RAB11FIP1: variants seen among roughly 807,000 people sequenced by gnomAD.
RAB11FIP1 encodes rab11 family-interacting protein 1.
In RAB11FIP1, 49 loss-of-function variants were observed where a neutral mutation model predicts 83.1. That is an observed-to-expected ratio of 0.59 (90% CI 0.47 to 0.75). The LOEUF is 0.75. Ranked by LOEUF, RAB11FIP1 falls within the 30% of genes least tolerant of loss-of-function variation. The pLI is 0.00. For missense variants in RAB11FIP1, 1,536 were observed against 1,598.7 expected (o/e 0.96, Z 0.67); for synonymous variants, 670 against 656.0 (o/e 1.02, Z -0.33).
At chr8:37,881,356 G>A (rs1449380097) in intron 1 of RAB11FIP1, among the ~76,000 whole-genome samples, 1 of 152,004 alleles carries the variant, frequency 6.6e-6, no homozygotes, top group Non-Finnish European at 1.5e-5. Flanking sequence ...ATTTATCTTG[G>A]ATGGGCCATC....
chr8:37,877,752 C>T (rs1806648488), intron 1 of RAB11FIP1: 4 of 450,592 alleles, frequency 8.9e-6, no homozygotes, highest in Non-Finnish European at 1.5e-5. Flanking sequence ...CAGAGTCTTG[C>T]TCTGTCACCC....
At position 37,877,547 on chromosome 8, in the gene RAB11FIP1, A is replaced by G; in HGVS notation, c.376T>C (p.Tyr126His). ...TTTCCTGGTTTGGATTTCAACTTAT[A>G]CCACCTGAAAGGAGAAAGGCTGAGG... ...RDQGRRKTQW[Y>H]KLKSKPGKKD... Residue 126 changes from tyrosine (Y) to histidine (H), a missense_variant, in exon 2 of 6, where the codon TAT becomes CAT. Coordinates refer to ENST00000330843, the MANE Select transcript of RAB11FIP1 (RefSeq NM_001002814.3). 3.1e-6 allele frequency: 5 copies of G among 1,599,190 alleles called. No individual in the cohort carries two copies. The highest frequency in any genetic ancestry group is 4.3e-6 in the Non-Finnish European group (5 of 1,176,158).
At chr8:37,887,079 A>G (rs1158520815) in intron 1 of RAB11FIP1, among the ~76,000 whole-genome samples, 1 of 152,218 alleles carries the variant, frequency 6.6e-6, no homozygotes, top group Non-Finnish European at 1.5e-5. Context: ...TTGCCTCCCT[A>G]GACCTTGCCC....
rs779772060 is a variant in RAB11FIP1, at chr8:37,870,381, C to T, written c.3633+39G>A. The T allele has an allele frequency of 4.1e-6, 5 of 1,218,514 alleles. No homozygotes were observed. The South Asian group carries it at 6.1e-5, about 15-fold the overall frequency. 75.5% of individuals were successfully genotyped at this position (1,218,514 alleles called of 1,614,324 possible). A position where few individuals can be genotyped will look rare whatever the true frequency, so the allele number is the denominator to read the frequency against. ...GTGACTATGGAAACGGGTGTTCTGTCAATCCCTAACGAACACACCAGCTTC... is the reference window on the plus strand; with the variant it reads ...GTGACTATGGAAACGGGTGTTCTGTTAATCCCTAACGAACACACCAGCTTC... On this transcript the variant is annotated intron_variant, in intron 5 of 5. Transcript: ENST00000330843.
Position 37,874,489 on chromosome 8 carries a change from CCTGCACGAGAAGAGCCA to C in RAB11FIP1, c.1622+9_1622+25del, listed in dbSNP as rs1172348017. Reference sequence around the variant, plus strand: ...ACCACCAATGGCAAGGCAGAAATGCCCTGCACGAGAAGAGCCAAAACTCACCGGGGCTTGACAGCTCT... The same window carrying C: ...ACCACCAATGGCAAGGCAGAAATGCCAAACTCACCGGGGCTTGACAGCTCT... On this transcript the variant is annotated intron_variant, in intron 3 of 5. Transcript: ENST00000330843. 1 of 1,596,436 alleles carries C rather than the reference CCTGCACGAGAAGAGCCA, an allele frequency of 6.3e-7. No homozygotes were observed. The highest frequency in any genetic ancestry group is 8.6e-7 in the Non-Finnish European group (1 of 1,165,988).
chr8:37,877,563 A>T lies in RAB11FIP1; in HGVS notation c.372-12T>A, dbSNP rs1184777628. 6.4e-7 allele frequency: 1 copy of T among 1,571,180 alleles called. No individual in the cohort carries two copies. The highest frequency in any genetic ancestry group is 8.7e-7 in the Non-Finnish European group (1 of 1,156,046). ...TCAACTTATACCACCTGAAAGGAGA[A>T]AGGCTGAGGAGTTACCTTTGAATGG... On this transcript the variant is annotated splice_polypyrimidine_tract_variant and intron_variant, in intron 1 of 5. Transcript: ENST00000330843.
At position 37,874,735 on chromosome 8, in the gene RAB11FIP1, T is replaced by G. The variant is rs760252153; in HGVS notation, c.1402A>C (p.Met468Leu). ...GCGTCCTCCCCCGGCTTAACCCCCA[T>G]CAGCATGCCTTCCTTCTCCCTCCCT... ...VPGREKEGML[M>L]GVKPGEDASG... Residue 468 changes from methionine to leucine, a missense_variant, in exon 3 of 6, where the codon ATG (methionine) becomes CTG (leucine). Met to Leu is a conservative substitution (Grantham distance 15). Coordinates refer to ENST00000330843, the MANE Select transcript of RAB11FIP1 (RefSeq NM_001002814.3). 15 of 1,614,146 alleles carry G rather than the reference T, an allele frequency of 9.3e-6. No individual in the cohort carries two copies. The highest frequency in any genetic ancestry group is 1.3e-5 in the Non-Finnish European group (15 of 1,180,024).
At position 37,877,278 on chromosome 8, in the gene RAB11FIP1, T is replaced by A. The variant is rs1176595279; in HGVS notation, c.645A>T (p.Ser215=). The change falls in exon 2 of 6, where the codon TCA becomes TCT. Residue 215 remains serine (S), a synonymous_variant. Coordinates refer to ENST00000330843, the MANE Select transcript of RAB11FIP1 (RefSeq NM_001002814.3). ...ESVVKDKKKK[S]KIKTLLSKSN... ...ACTTGGAAAGTAAGGTCTTGATCTT[T>A]GATTTCTTTTTCTTGTCTTTAACCA... is the stretch of plus-strand genomic sequence containing the variant. 1.1e-5 allele frequency: 18 copies of A among 1,614,068 alleles called. No individual in the cohort carries two copies. Among genetic ancestry groups the A allele is most frequent in the Non-Finnish European group, 1.4e-5 (16 of 1,180,034 alleles).
intron 3 of RAB11FIP1, among the ~76,000 whole-genome samples, chr8:37,874,173 C>T (rs1806549005): frequency 6.6e-6 from 1 of 152,230 alleles, no homozygotes; most frequent in Non-Finnish European, 1.5e-5. Flanking sequence ...ACTTCGAAAA[C>T]ACAGGTTCTG....
intron 5 of RAB11FIP1, among the ~76,000 whole-genome samples, chr8:37,869,522 G>C (rs575263186): frequency 1.2e-4 from 18 of 152,192 alleles, no homozygotes; most frequent in African/African-American, 4.1e-4. Flanking sequence ...AACCCAGGAG[G>C]GGGAGGTTGC....
intron 1 of RAB11FIP1, among the ~76,000 whole-genome samples, chr8:37,894,718 A>ATG (rs1807025342): frequency 1.4e-5 from 2 of 147,056 alleles, no homozygotes; most frequent in South Asian, 2.1e-4. Flanking sequence ...ATACATATAT[A>ATG]TATACATATA....
At chr8:37,876,205 AAAAG>A (rs1195020499) in intron 2 of RAB11FIP1, among the ~76,000 whole-genome samples, 143 of 123,376 alleles carry the variant, frequency 1.2e-3, no homozygotes, top group Middle Eastern at 7.7e-3. Context: ...AAAAGAAAAG[AAAAG>A]AAAGAAAGGA....
In RAB11FIP1 at chr8:37,862,999, C is replaced by G; in HGVS notation, c.3748G>C (p.Glu1250Gln). ...AGGTTGTCAATGTAGTCTTCCAGCT[C>G]GCGGACCTGGAACTCCTTCTTGCTT... ...TISKKEFQVR[E>Q]LEDYIDNLLV... Residue 1250 changes from glutamate to glutamine, a missense_variant, in exon 6 of 6, where the codon GAG becomes CAG. Glu to Gln is a conservative substitution (Grantham distance 29). Transcript: ENST00000330843. The G allele has an allele frequency of 6.2e-7, 1 of 1,613,756 alleles. No homozygotes were observed. The highest frequency in any genetic ancestry group is 8.5e-7 in the Non-Finnish European group (1 of 1,180,000).
chr8:37,898,651 C>CAAAA (rs746280491), intron 1 of RAB11FIP1, among the ~76,000 whole-genome samples: 1 of 91,524 alleles, frequency 1.1e-5, no homozygotes, highest in African/African-American at 4.2e-5. Context: ...GACTCAGTCT[C>CAAAA]AAAAAAAAAA....
chr8:37,871,230 AG>A, intron 4 of RAB11FIP1, 47 bp downstream of exon 4: 6 of 1,541,778 alleles, frequency 3.9e-6, no homozygotes, highest in Non-Finnish European at 4.4e-6. Flanking sequence ...TAGGAAGCAA[AG>A]GGGGACATTG....
In RAB11FIP1 at chr8:37,871,852, C is replaced by T. The variant is rs745390492; in HGVS notation, c.2950G>A (p.Asp984Asn). Residue 984 changes from aspartate to asparagine, a missense_variant, in exon 4 of 6, where the codon GAT becomes AAT. Asp to Asn is a conservative substitution (Grantham distance 23, BLOSUM62 1). Coordinates refer to ENST00000330843, the MANE Select transcript of RAB11FIP1 (RefSeq NM_001002814.3). ...QVEDDGDQVE[D>N]DGETAKSSTL... ...GACGACTTTGCTGTCTCTCCATCAT[C>T]TTCAACCTGATCTCCGTCATCTTCA... 6.8e-6 allele frequency: 11 copies of T among 1,613,980 alleles called. No individual in the cohort carries two copies. The highest frequency in any genetic ancestry group is 8.5e-6 in the Non-Finnish European group (10 of 1,180,014).
At chr8:37,875,724 G>T (rs1806593757) in intron 2 of RAB11FIP1, among the ~76,000 whole-genome samples, 1 of 151,986 alleles carries the variant, frequency 6.6e-6, no homozygotes, top group South Asian at 2.1e-4. Flanking sequence ...TCCCACGAGG[G>T]TTGAGCACAT....
intron 1 of RAB11FIP1, among the ~76,000 whole-genome samples, chr8:37,880,541 A>C (rs1024831478): frequency 6.6e-6 from 1 of 151,952 alleles, no homozygotes; most frequent in African/African-American, 2.4e-5. Context: ...TGATCCACCC[A>C]CCTTGGCCTC....
chr8:37,897,993 C>T (rs1807126510), intron 1 of RAB11FIP1, among the ~76,000 whole-genome samples: 1 of 152,228 alleles, frequency 6.6e-6, no homozygotes, highest in Non-Finnish European at 1.5e-5. Context: ...GGTTTCATGC[C>T]TCCTGTTCCT....
Sources: gnomAD v4.1 joint callset for allele counts (sites outside exome capture counted in the v4.1 genomes callset) on GRCh38, gnomAD v4.1.1 for gene constraint, MANE v1.5 for transcripts, NCBI Gene and HGNC (gene_info 2026-07-23, HGNC 2026-07-21) for gene names.